Variants in MPP7 observed in about 807,000 individuals in gnomAD.
The protein encoded by MPP7 is MAGUK p55 subfamily member 7.
Under a neutral mutation model 76.5 loss-of-function variants are expected in MPP7, and 60 were observed. The observed-to-expected ratio is 0.78, with a 90% CI of 0.64 to 0.97. The LOEUF (loss-of-function observed/expected upper bound fraction) is 0.97, where lower values mean the gene tolerates loss of function less well. MPP7 is among the 50% of genes least tolerant of loss of function. MPP7 has a pLI of 0.00. For missense variants in MPP7, 641 were observed against 694.0 expected (o/e 0.92, Z 0.86); for synonymous variants, 237 against 244.5 (o/e 0.97, Z 0.29).
chr10:28,262,246 TATATATATATATGTATATATATATATATA>T (rs1840005226), intron 1 of MPP7, among the ~76,000 whole-genome samples: 1 of 63,038 alleles, frequency 1.6e-5, no homozygotes, highest in African/African-American at 9.2e-5. Context: ...TATATATACA[TATATATATATATGTATATATATATATATA>T]TATTTTTTTT....
intron 8 of MPP7, among the ~76,000 whole-genome samples, chr10:28,122,956 G>A (rs1834891500): frequency 6.7e-6 from 1 of 149,892 alleles, no homozygotes; most frequent in Non-Finnish European, 1.5e-5. Context: ...ACCTTTTATT[G>A]TGCAATTTTT....
chr10:28,057,605 CT>C (rs59550501), intron 15 of MPP7: 178 of 122,560 alleles, frequency 1.5e-3, no homozygotes, highest in African/African-American at 7.5e-3. Context: ...AATTAAACCT[CT>C]TTTTTTTTTT....
At chr10:28,102,742 T>C (rs1456290003) in intron 11 of MPP7, among the ~76,000 whole-genome samples, 3 of 152,174 alleles carry the variant, frequency 2.0e-5, no homozygotes, top group Non-Finnish European at 2.9e-5. Flanking sequence ...AGTTCTACCA[T>C]CAAAATATAT....
intron 1 of MPP7, among the ~76,000 whole-genome samples, chr10:28,257,114 A>G (rs1839810359): frequency 6.6e-6 from 1 of 152,222 alleles, no homozygotes; most frequent in African/African-American, 2.4e-5. Flanking sequence ...TAGGCTACCT[A>G]CATCAAACCT....
intron 2 of MPP7, chr10:28,202,890 T>C (rs981647544): frequency 2.0e-5 from 3 of 151,904 alleles, no homozygotes; most frequent in African/African-American, 7.3e-5. Context: ...GCTTATGTAA[T>C]ACCCTCTGAA....
At chr10:28,105,104 A>C (rs1325374249) in intron 11 of MPP7, among the ~76,000 whole-genome samples, 1 of 145,836 alleles carries the variant, frequency 6.9e-6, no homozygotes, top group Non-Finnish European at 1.5e-5. Context: ...CAGTGAGCCA[A>C]GATCGCGCCA....
chr10:28,117,281 TA>T (rs1379504892), intron 11 of MPP7, among the ~76,000 whole-genome samples: 3 of 152,264 alleles, frequency 2.0e-5, no homozygotes, highest in Non-Finnish European at 4.4e-5. Context: ...TCCTAGATGT[TA>T]AGTACACTTG....
chr10:28,291,380 T>C (rs1053793237), intron 1 of MPP7, among the ~76,000 whole-genome samples: 1 of 151,712 alleles, frequency 6.6e-6, no homozygotes, highest in African/African-American at 2.4e-5. Context: ...CTGAGGCGGG[T>C]GGATCACTTG....
chr10:28,222,240 G>A (rs1444952406), intron 2 of MPP7, among the ~76,000 whole-genome samples: 1 of 151,562 alleles, frequency 6.6e-6, no homozygotes, highest in East Asian at 1.9e-4. Context: ...GCTCAGGCTT[G>A]TAAATCTCAG....
chr10:28,104,759 C>G (rs1939484784), intron 11 of MPP7, among the ~76,000 whole-genome samples: 1 of 151,990 alleles, frequency 6.6e-6, no homozygotes, highest in East Asian at 1.9e-4. Context: ...TTTTAAAAGT[C>G]TTTTTATACC....
At chr10:28,083,711 T>C (rs1225120993) in intron 12 of MPP7, among the ~76,000 whole-genome samples, 2 of 151,890 alleles carry the variant, frequency 1.3e-5, no homozygotes, top group African/African-American at 4.8e-5. Context: ...CTAATTTTTG[T>C]ATTTTTAGTA....
Position 28,266,775 on chromosome 10 carries a change from A to G in MPP7, c.-131-28040T>C, listed in dbSNP as rs372639293. ...CCCCAATCAGCATTGTCCCCATGTT[A>G]TAATTGTTAGCTTGTCTGTTTCTCA... is the stretch of plus-strand genomic sequence containing the variant. On this transcript the variant is annotated intron_variant, in intron 1 of 16. Coordinates refer to ENST00000683449, the MANE Select transcript of MPP7 (RefSeq NM_001318170.2). 7.9e-5 allele frequency among the ~76,000 whole-genome samples: 12 copies of G among 152,188 alleles called. No homozygotes were observed. The East Asian group carries it at 1.3e-3, about 17-fold the overall frequency.
At chr10:28,122,693 T>C (rs1164262855) in intron 8 of MPP7, among the ~76,000 whole-genome samples, 1 of 152,214 alleles carries the variant, frequency 6.6e-6, no homozygotes, top group Non-Finnish European at 1.5e-5. Context: ...CCATATGCAC[T>C]GCTGATTTTT....
At chr10:28,311,825 C>T (rs1425000356) in intron 2 of MPP7, among the ~76,000 whole-genome samples, 1 of 152,100 alleles carries the variant, frequency 6.6e-6, no homozygotes, top group African/African-American at 2.4e-5. Flanking sequence ...CTCCGTCCTC[C>T]CTCTTGCCCA....
chr10:28,081,104 A>G (rs555164675), intron 12 of MPP7, among the ~76,000 whole-genome samples: 1 of 152,260 alleles, frequency 6.6e-6, no homozygotes, highest in Non-Finnish European at 1.5e-5. Flanking sequence ...AGAGCAGAAT[A>G]GTACTGATGC....
intron 2 of MPP7, among the ~76,000 whole-genome samples, chr10:28,325,618 C>T (rs529300944): frequency 3.9e-5 from 6 of 152,116 alleles, no homozygotes; most frequent in East Asian, 3.9e-4. Context: ...CTCAACTTCC[C>T]GAATAGCTGA....
Position 28,299,539 on chromosome 10 carries a change from T to C in MPP7, c.-132+3322A>G, listed in dbSNP as rs910354116. 2.6e-5 allele frequency among the ~76,000 whole-genome samples: 4 copies of C among 152,246 alleles called. No homozygotes were observed. In the South Asian group the frequency reaches 6.2e-4, roughly 24 times the overall value. On this transcript the variant is annotated intron_variant, in intron 1 of 16. Coordinates refer to ENST00000683449, the MANE Select transcript of MPP7 (RefSeq NM_001318170.2). ...AACAGACAGAATAACAATGAAAAGTTTGCAATATTGTGAGAATTACCAAAA... is the reference window on the plus strand; with the variant it reads ...AACAGACAGAATAACAATGAAAAGTCTGCAATATTGTGAGAATTACCAAAA...
At chr10:28,056,382 C>T in intron 16 of MPP7, 98 bp downstream of exon 16, 1 of 1,294,552 alleles carries the variant, frequency 7.7e-7, no homozygotes, top group South Asian at 1.4e-5. Context: ...TGGTCTTGAA[C>T]TCCTGGACTC....
chr10:28,089,635 A>C, intron 12 of MPP7, 36 bp downstream of exon 12: 2 of 1,583,336 alleles, frequency 1.3e-6, no homozygotes, highest in South Asian at 1.2e-5. Flanking sequence ...TAGCTCACTC[A>C]TTTCCTCAGA....
Sources: gnomAD v4.1 joint callset for allele counts (sites outside exome capture counted in the v4.1 genomes callset) on GRCh38, gnomAD v4.1.1 for gene constraint, MANE v1.5 for transcripts, NCBI Gene and HGNC (gene_info 2026-07-23, HGNC 2026-07-21) for gene names.